Variants in FBXL7 observed in about 807,000 individuals in gnomAD.
FBXL7 encodes F-box/LRR-repeat protein 7.
A neutral mutation model predicts 38.3 loss-of-function variants in FBXL7; 12 were observed. That is an observed-to-expected ratio of 0.31 (90% confidence interval 0.20 to 0.51). The LOEUF (loss-of-function observed/expected upper bound fraction) is 0.51. Ranked by LOEUF, FBXL7 falls within the 20% of genes least tolerant of loss-of-function variation. FBXL7 has a pLI of 0.98. For synonymous variants in FBXL7, 297 were observed against 300.9 expected (o/e 0.99, Z 0.13); for missense variants, 567 against 676.4 (o/e 0.84, Z 1.79).
intron 1 of FBXL7, among the ~76,000 whole-genome samples, chr5:15,516,963 A>C (rs1194793014): frequency 6.6e-6 from 1 of 152,190 alleles, no homozygotes; most frequent in East Asian, 1.9e-4. Flanking sequence ...TGTCTTTATT[A>C]GCAGCGTGAG....
At chr5:15,714,498 G>A (rs1743978427) in intron 2 of FBXL7, among the ~76,000 whole-genome samples, 1 of 150,316 alleles carries the variant, frequency 6.7e-6, no homozygotes, top group African/African-American at 2.5e-5. Context: ...AATGTGGAGT[G>A]TACAATGTGG....
At chr5:15,856,157 G>A (rs1311303614) in intron 2 of FBXL7, among the ~76,000 whole-genome samples, 1 of 152,054 alleles carries the variant, frequency 6.6e-6, no homozygotes, top group African/African-American at 2.4e-5. Flanking sequence ...TTACATGGTG[G>A]TGGCAAGAGA....
At chr5:15,533,635 G>T (rs1443427099) in intron 1 of FBXL7, among the ~76,000 whole-genome samples, 1 of 152,140 alleles carries the variant, frequency 6.6e-6, no homozygotes, top group East Asian at 1.9e-4. Flanking sequence ...CCTAAACAAT[G>T]AGGGATCCCA....
At chr5:15,604,500 G>T (rs74351052) in intron 1 of FBXL7, among the ~76,000 whole-genome samples, 1 of 152,050 alleles carries the variant, frequency 6.6e-6, no homozygotes, top group Non-Finnish European at 1.5e-5. Flanking sequence ...GACTACAGGC[G>T]TGTGCCACCA....
intron 2 of FBXL7, among the ~76,000 whole-genome samples, chr5:15,661,455 T>G (rs1290483515): frequency 1.3e-5 from 2 of 152,230 alleles, no homozygotes; most frequent in East Asian, 1.9e-4. Context: ...AGTGACAGCA[T>G]ACATCCTTTC....
At chr5:15,880,661 C>A (rs1740409116) in intron 2 of FBXL7, among the ~76,000 whole-genome samples, 1 of 148,686 alleles carries the variant, frequency 6.7e-6, no homozygotes, top group African/African-American at 2.5e-5. Flanking sequence ...AAAAACCTGG[C>A]CTTTTAATGC....
intron 1 of FBXL7, among the ~76,000 whole-genome samples, chr5:15,558,171 T>G (rs900663342): frequency 6.6e-6 from 1 of 152,184 alleles, no homozygotes; most frequent in East Asian, 1.9e-4. Context: ...TTTACCAAAA[T>G]TTTTAAAAAG....
At chr5:15,586,185 G>A (rs1739297373) in intron 1 of FBXL7, among the ~76,000 whole-genome samples, 1 of 151,984 alleles carries the variant, frequency 6.6e-6, no homozygotes, top group Non-Finnish European at 1.5e-5. Context: ...TGAGGTTTGG[G>A]AGCCAGCGTT....
chr5:15,777,092 C>T (rs1736874453), intron 2 of FBXL7, among the ~76,000 whole-genome samples: 2 of 151,994 alleles, frequency 1.3e-5, no homozygotes, highest in Middle Eastern at 3.2e-3. Context: ...ATTCATTATT[C>T]CATGCATCTT....
At chr5:15,519,729 G>A (rs1286031632) in intron 1 of FBXL7, among the ~76,000 whole-genome samples, 1 of 152,216 alleles carries the variant, frequency 6.6e-6, no homozygotes, top group African/African-American at 2.4e-5. Flanking sequence ...CCTAGAAGGA[G>A]GAGAAATAGT....
At chr5:15,521,980 C>T (rs1358282187) in intron 1 of FBXL7, among the ~76,000 whole-genome samples, 1 of 152,132 alleles carries the variant, frequency 6.6e-6, no homozygotes, top group Non-Finnish European at 1.5e-5. Context: ...ATATTTCATC[C>T]AAAAATGGAG....
chr5:15,659,168 G>A (rs1183235631), intron 2 of FBXL7, among the ~76,000 whole-genome samples: 2 of 152,002 alleles, frequency 1.3e-5, no homozygotes, highest in African/African-American at 2.4e-5. Context: ...CTTATAAAAA[G>A]TTAAATGGCA....
chr5:15,825,040 A>C (rs1401546435), intron 2 of FBXL7, among the ~76,000 whole-genome samples: 1 of 152,196 alleles, frequency 6.6e-6, no homozygotes, highest in Non-Finnish European at 1.5e-5. Flanking sequence ...GGAACATGAG[A>C]TATTATAAAC....
chr5:15,845,958 C>T lies in FBXL7; in HGVS notation c.128-81932C>T, dbSNP rs143011692. ...CTGCACTCCAGCCTGGGCAACAGAG[C>T]GAGACTCCGTCTCAAAAAATAAAAA... On this transcript the variant is annotated intron_variant, in intron 2 of 3. Coordinates refer to ENST00000504595, the MANE Select transcript of FBXL7 (RefSeq NM_012304.5). Among the ~76,000 whole-genome samples the T allele has an allele frequency of 3.7e-3, 564 of 152,218 alleles. 5 individuals are homozygous for T. The highest frequency in any genetic ancestry group is 0.013 in the African/African-American group (528 of 41,546).
intron 1 of FBXL7, among the ~76,000 whole-genome samples, chr5:15,553,772 T>C (rs1282226054): frequency 6.6e-6 from 1 of 152,232 alleles, no homozygotes; most frequent in African/African-American, 2.4e-5. Flanking sequence ...GTAGGAATTA[T>C]AGCTAAGCCT....
At chr5:15,795,512 G>A (rs895005307) in intron 2 of FBXL7, among the ~76,000 whole-genome samples, 27 of 152,284 alleles carry the variant, frequency 1.8e-4, no homozygotes, top group Middle Eastern at 3.4e-3. Context: ...AGATATTGCA[G>A]TTGTCATCTA....
At chr5:15,801,950 A>T (rs569378273) in intron 2 of FBXL7, among the ~76,000 whole-genome samples, 150 of 152,094 alleles carry the variant, frequency 9.9e-4, no homozygotes, top group Non-Finnish European at 1.7e-3. Context: ...GATGTTAGGG[A>T]CTTCAAGTTA....
At chr5:15,772,502 T>C (rs992730160) in intron 2 of FBXL7, among the ~76,000 whole-genome samples, 2 of 152,188 alleles carry the variant, frequency 1.3e-5, no homozygotes, top group African/African-American at 4.8e-5. Flanking sequence ...AAAGGCACCA[T>C]TGAAATAGCA....
At chr5:15,777,748 T>TAAAAAAAAAAAAAAAAAAAAAAA (rs1250146374) in intron 2 of FBXL7, among the ~76,000 whole-genome samples, 116 of 89,394 alleles carry the variant, frequency 1.3e-3, no homozygotes, top group African/African-American at 3.6e-3. Flanking sequence ...AAAAAAAAAG[T>TAAAAAAAAAAAAAAAAAAAAAAA]AAATTCCAGT....
Sources: gnomAD v4.1 joint callset for allele counts (sites outside exome capture counted in the v4.1 genomes callset) on GRCh38, gnomAD v4.1.1 for gene constraint, MANE v1.5 for transcripts, NCBI Gene and HGNC (gene_info 2026-07-23, HGNC 2026-07-21) for gene names.